Variants in BANK1 observed in about 807,000 individuals in gnomAD.
BANK1 encodes the protein B cell scaffold protein with ankyrin repeats 1.
A neutral mutation model predicts 94.5 loss-of-function variants in BANK1; 95 were observed. That is an observed-to-expected ratio of 1.00 (90% CI 0.85 to 1.19). BANK1 has a LOEUF of 1.19. BANK1 is among the 50% of genes most tolerant of loss of function. The probability of loss-of-function intolerance (pLI) is 0.00; values close to 1 mark genes in which losing one functional copy is unlikely to be tolerated. For synonymous variants in BANK1, 334 were observed against 308.4 expected (o/e 1.08, Z -0.87); for missense variants, 987 against 932.2 (o/e 1.06, Z -0.77).
At chr4:101,842,151 C>G (rs1356982483) in intron 2 of BANK1, among the ~76,000 whole-genome samples, 5 of 152,186 alleles carry the variant, frequency 3.3e-5, no homozygotes, top group African/African-American at 1.2e-4. Context: ...AATTCTGACA[C>G]CTTGCATTCT....
At chr4:101,842,247 TCTAAGC>T in intron 2 of BANK1, among the ~76,000 whole-genome samples, 1 of 152,328 alleles carries the variant, frequency 6.6e-6, no homozygotes, top group East Asian at 1.9e-4. Context: ...TTTCCAAAGT[TCTAAGC>T]CAAATGGCAA....
intron 12 of BANK1, chr4:102,061,589 A>AT (rs1728420908): frequency 6.6e-6 from 1 of 152,214 alleles, no homozygotes; most frequent in Non-Finnish European, 1.5e-5. Context: ...GATTTTATAG[A>AT]TTTTGTTGAA....
intron 5 of BANK1, among the ~76,000 whole-genome samples, chr4:101,887,453 T>C (rs1375578721): frequency 3.9e-5 from 6 of 152,204 alleles, no homozygotes; most frequent in Admixed American, 3.9e-4. Context: ...TTCATGAGTT[T>C]TTGTATCTAA....
chr4:101,995,145 G>T (rs187483028), intron 7 of BANK1, among the ~76,000 whole-genome samples: 14 of 151,938 alleles, frequency 9.2e-5, no homozygotes, highest in African/African-American at 2.9e-4. Context: ...TCCCCTCCCT[G>T]TGTCCATGCG....
At chr4:101,817,014 T>C (rs1725942532) in intron 1 of BANK1, among the ~76,000 whole-genome samples, 1 of 152,140 alleles carries the variant, frequency 6.6e-6, no homozygotes. Context: ...GTTATAAAGC[T>C]CAAAGGACAG....
At chr4:101,912,879 A>G (rs1412711173) in intron 6 of BANK1, among the ~76,000 whole-genome samples, 1 of 152,048 alleles carries the variant, frequency 6.6e-6, no homozygotes, top group African/African-American at 2.4e-5. Flanking sequence ...TAAAAGAATG[A>G]CTCCAGTGCT....
intron 7 of BANK1, among the ~76,000 whole-genome samples, chr4:101,986,690 G>A (rs992259135): frequency 8.6e-5 from 13 of 150,530 alleles, no homozygotes; most frequent in African/African-American, 2.9e-4. Flanking sequence ...TTCTGCTTTT[G>A]AAGCTCTATA....
intron 6 of BANK1, among the ~76,000 whole-genome samples, chr4:101,901,060 GA>G (rs1331285278): frequency 6.6e-6 from 1 of 152,144 alleles, no homozygotes; most frequent in East Asian, 1.9e-4. Context: ...AGAGAGAAGT[GA>G]AAAAAGCCCA....
chr4:102,027,670 GAA>G (rs57958483), intron 9 of BANK1, among the ~76,000 whole-genome samples: 3 of 141,850 alleles, frequency 2.1e-5, no homozygotes, highest in Non-Finnish European at 1.5e-5. Flanking sequence ...GTTACTGAAG[GAA>G]AAAAAAAAAA....
intron 11 of BANK1, among the ~76,000 whole-genome samples, chr4:102,052,939 C>T (rs995708386): frequency 4.6e-5 from 7 of 151,892 alleles, no homozygotes; most frequent in African/African-American, 1.5e-4. Flanking sequence ...ATTAAACATG[C>T]GACATGAAGA....
chr4:101,866,398 T>C (rs185493526), intron 4 of BANK1, among the ~76,000 whole-genome samples: 2 of 152,166 alleles, frequency 1.3e-5, no homozygotes, highest in Non-Finnish European at 2.9e-5. Flanking sequence ...AGGTCTAACA[T>C]ACATGTAATT....
At chr4:101,989,431 CAAAAAAAAAAAAA>C (rs899065744) in intron 7 of BANK1, among the ~76,000 whole-genome samples, 1 of 31,074 alleles carries the variant, frequency 3.2e-5, no homozygotes, top group Non-Finnish European at 7.2e-5. Flanking sequence ...GACTCCGTCT[CAAAAAAAAAAAAA>C]AAAAAAAAAG....
rs77269517 is a variant in BANK1, at chr4:101,811,724, G to A, written c.71-18084G>A. Among the ~76,000 whole-genome samples the A allele has an allele frequency of 9.7e-3, 1,470 of 152,090 alleles. 27 individuals carry two copies. Among genetic ancestry groups the A allele is most frequent in the African/African-American group, 0.032 (1,347 of 41,518 alleles). ...ATCTTTTTGATTTGTAAATTTTTCA[G>A]TTCTGCACTTTGTGATACTTAAAGA... On this transcript the variant is annotated intron_variant, in intron 1 of 16. Transcript: ENST00000322953.
chr4:101,853,308 T>C (rs1727561689), intron 2 of BANK1, among the ~76,000 whole-genome samples: 1 of 152,218 alleles, frequency 6.6e-6, no homozygotes, highest in Admixed American at 6.5e-5. Context: ...TTTGTTACTC[T>C]GCTTTTCTGA....
intron 1 of BANK1, among the ~76,000 whole-genome samples, chr4:101,811,562 A>G (rs959666602): frequency 6.6e-6 from 1 of 152,178 alleles, no homozygotes; most frequent in Admixed American, 6.5e-5. Flanking sequence ...GTGTATATAC[A>G]TAAAGAAGCT....
intron 1 of BANK1, among the ~76,000 whole-genome samples, chr4:101,800,048 G>A (rs997775235): frequency 2.0e-5 from 3 of 147,054 alleles, no homozygotes; most frequent in Non-Finnish European, 4.5e-5. Flanking sequence ...ACTAAACACT[G>A]CATGTCCTCA....
intron 1 of BANK1, among the ~76,000 whole-genome samples, chr4:101,792,560 A>G (rs140402393): frequency 4.2e-4 from 63 of 151,632 alleles, no homozygotes; most frequent in Non-Finnish European, 7.4e-4. Flanking sequence ...TGCCTCATTT[A>G]GAGAAGAGAG....
At chr4:101,928,584 T>C (rs1368686013) in intron 7 of BANK1, among the ~76,000 whole-genome samples, 2 of 151,746 alleles carry the variant, frequency 1.3e-5, no homozygotes, top group South Asian at 2.1e-4. Flanking sequence ...AGTTCACTTA[T>C]TCAAATTTGG....
At chr4:101,840,659 A>G (rs1048057767) in intron 2 of BANK1, among the ~76,000 whole-genome samples, 9 of 152,212 alleles carry the variant, frequency 5.9e-5, no homozygotes, top group Admixed American at 5.9e-4. Flanking sequence ...TAGTTAATCT[A>G]TAATCTATAG....
Sources: allele counts gnomAD v4.1 joint callset (sites outside exome capture counted in the v4.1 genomes callset), GRCh38; gene constraint gnomAD v4.1.1; transcripts MANE v1.5; gene names NCBI Gene and HGNC (gene_info 2026-07-23, HGNC 2026-07-21).